Variants in ERC1 observed in about 807,000 individuals in gnomAD.
The protein encoded by ERC1 is ELKS/RAB6-interacting/CAST family member 1.
Under a neutral mutation model 132.0 loss-of-function variants are expected in ERC1, and 56 were observed. The ratio of observed to expected loss-of-function variants is 0.42; its 90% CI spans 0.34 to 0.53. ERC1 has a LOEUF of 0.53. Ranked by LOEUF, ERC1 falls within the 20% of genes least tolerant of loss-of-function variation. The pLI, the probability that ERC1 is intolerant of heterozygous loss-of-function variation, is 0.03. For missense variants in ERC1, 1,202 were observed against 1,349.9 expected, an observed-to-expected ratio of 0.89 and a Z score of 1.72; for synonymous variants, 478 against 476.1, an observed-to-expected ratio of 1.00 and a Z score of -0.05.
At chr12:1,192,369 C>G (rs1955823251) in intron 12 of ERC1, among the ~76,000 whole-genome samples, 1 of 152,192 alleles carries the variant, frequency 6.6e-6, no homozygotes, top group African/African-American at 2.4e-5. Context: ...TGTTATACCT[C>G]TTGTTCCCAG....
rs1036687746 is a variant in ERC1, at chr12:1,371,004, C to T, written c.2781-829C>T. Among the ~76,000 whole-genome samples the T allele has an allele frequency of 9.8e-5, 15 of 152,308 alleles. 1 individual carries two copies. Among genetic ancestry groups the T allele is most frequent in the Admixed American group, 2.6e-4 (4 of 15,310 alleles). ...CTGGGATTACAGGCGCGAGCCACCACGCCTGGCCTGAATATTTTTTAAACT... is the reference window on the plus strand; with the variant it reads ...CTGGGATTACAGGCGCGAGCCACCATGCCTGGCCTGAATATTTTTTAAACT... On this transcript the variant is annotated intron_variant, in intron 15 of 18. Transcript: ENST00000360905.
intron 7 of ERC1, among the ~76,000 whole-genome samples, chr12:1,121,687 ATCTCTATCTCTATCTCTATCTGTGTC>A (rs1947147537): frequency 3.6e-4 from 22 of 60,374 alleles, no homozygotes; most frequent in Non-Finnish European, 5.0e-4. Context: ...ATCTATCTCT[ATCTCTATCTCTATCTCTATCTGTGTC>A]TCTATCTCTA....
chr12:1,002,311 CT>C (rs1962542688), intron 1 of ERC1, among the ~76,000 whole-genome samples: 1 of 149,888 alleles, frequency 6.7e-6, no homozygotes, highest in Non-Finnish European at 1.5e-5. Flanking sequence ...GTAACTGGGA[CT>C]ACAGGTGCAT....
rs369790064 is a variant in ERC1 at position 1,330,858 on chromosome 12, T to G, written c.2780+40846T>G. On this transcript the variant is annotated intron_variant, in intron 15 of 18. Transcript: ENST00000360905. ...AATTTATCTTCTCTTTTTTATCTCT[T>G]TATGTCTTTTATCCTTTATGTTCCA... Among the ~76,000 whole-genome samples the G allele has an allele frequency of 1.1e-4, 16 of 152,322 alleles. No homozygotes were observed. In the East Asian group the frequency reaches 2.1e-3, roughly 20 times the overall value.
At chr12:1,365,242 C>T (rs2086544030) in intron 15 of ERC1, among the ~76,000 whole-genome samples, 1 of 151,972 alleles carries the variant, frequency 6.6e-6, no homozygotes, top group South Asian at 2.1e-4. Context: ...TGTAAGTTGC[C>T]CAAAGCTCAT....
At chr12:1,164,108 A>C (rs1379138176) in intron 8 of ERC1, among the ~76,000 whole-genome samples, 1 of 152,178 alleles carries the variant, frequency 6.6e-6, no homozygotes, top group Non-Finnish European at 1.5e-5. Context: ...AGCTGCTTCC[A>C]GATTTATAGA....
chr12:1,093,046 C>G (rs1299534800), intron 3 of ERC1, among the ~76,000 whole-genome samples: 1 of 152,154 alleles, frequency 6.6e-6, no homozygotes, highest in African/African-American at 2.4e-5. Context: ...TCAGCATGTA[C>G]AACAGTGGTG....
chr12:1,303,802 A>G (rs2080610652), intron 15 of ERC1, among the ~76,000 whole-genome samples: 1 of 151,900 alleles, frequency 6.6e-6, no homozygotes, highest in Admixed American at 6.6e-5. Flanking sequence ...TAAAAATACA[A>G]AATTAGCTGG....
intron 1 of ERC1, among the ~76,000 whole-genome samples, chr12:1,014,213 T>C (rs995114047): frequency 1.3e-5 from 2 of 152,190 alleles, no homozygotes; most frequent in Non-Finnish European, 2.9e-5. Flanking sequence ...TTTCACTCTG[T>C]TTCCCATGCT....
intron 15 of ERC1, among the ~76,000 whole-genome samples, chr12:1,311,708 C>T (rs931703638): frequency 6.6e-6 from 1 of 152,148 alleles, no homozygotes; most frequent in African/African-American, 2.4e-5. Flanking sequence ...ATAAAATGTG[C>T]AAGCACTATT....
rs1217559633 is a variant in ERC1 at position 1,310,288 on chromosome 12, A to G, written c.2780+20276A>G. 2.6e-5 allele frequency among the ~76,000 whole-genome samples: 4 copies of G among 151,602 alleles called. No homozygotes were observed. The East Asian group carries it at 7.7e-4, about 29-fold the overall frequency. On this transcript the variant is annotated intron_variant, in intron 15 of 18. Coordinates refer to ENST00000360905, the MANE Select transcript of ERC1 (RefSeq NM_178040.4). ...ATCTCCCAGACTGGAGTGCAATGGG[A>G]CGATCTCGGCTCACTGCAACCTCTG...
chr12:1,468,284 C>T (rs73028394), intron 18 of ERC1, among the ~76,000 whole-genome samples: 8,407 of 152,128 alleles, frequency 0.055, 353 homozygotes, highest in South Asian at 0.18. Flanking sequence ...GAAGGCTTCA[C>T]GAAAGCAAAA....
intron 8 of ERC1, among the ~76,000 whole-genome samples, chr12:1,178,780 A>G (rs1229662092): frequency 3.9e-5 from 6 of 152,136 alleles, no homozygotes; most frequent in Non-Finnish European, 8.8e-5. Flanking sequence ...TCTGCCCTAC[A>G]CTATGTTGAT....
chr12:993,644 C>G (rs867733721), intron 1 of ERC1, among the ~76,000 whole-genome samples: 6 of 152,184 alleles, frequency 3.9e-5, no homozygotes, highest in Admixed American at 6.6e-5. Flanking sequence ...TGGCTCATGC[C>G]TGTAATCCCA....
chr12:1,228,030 G>A (rs73027406), intron 12 of ERC1, among the ~76,000 whole-genome samples: 1 of 152,040 alleles, frequency 6.6e-6, no homozygotes, highest in Non-Finnish European at 1.5e-5. Context: ...TTTCATGCTG[G>A]TACCATAGTG....
chr12:1,429,536 G>T (rs897408314), intron 17 of ERC1, among the ~76,000 whole-genome samples: 1 of 152,226 alleles, frequency 6.6e-6, no homozygotes, highest in African/African-American at 2.4e-5. Context: ...TGAGAAATAA[G>T]ATTAATTCAA....
At chr12:1,061,940 C>G (rs1938026214) in intron 2 of ERC1, among the ~76,000 whole-genome samples, 1 of 148,184 alleles carries the variant, frequency 6.7e-6, no homozygotes, top group Non-Finnish European at 1.5e-5. Context: ...ACTGCTTTTG[C>G]TGTTTCCCAG....
chr12:1,170,319 TATTAC>T (rs1406747943), intron 8 of ERC1, among the ~76,000 whole-genome samples: 2 of 152,224 alleles, frequency 1.3e-5, no homozygotes, highest in African/African-American at 2.4e-5. Context: ...ATTTTTAAAT[TATTAC>T]AATACAATGG....
At chr12:1,438,954 A>AT (rs1555093208) in intron 17 of ERC1, among the ~76,000 whole-genome samples, 1,812 of 143,538 alleles carry the variant, frequency 0.013, 19 homozygotes, top group South Asian at 0.023. Flanking sequence ...TTTAAAAAAA[A>AT]ATATATATAT....
Sources: gnomAD v4.1 joint callset for allele counts (sites outside exome capture counted in the v4.1 genomes callset) on GRCh38, gnomAD v4.1.1 for gene constraint, MANE v1.5 for transcripts, NCBI Gene and HGNC (gene_info 2026-07-23, HGNC 2026-07-21) for gene names.